RASSF2: variants seen among roughly 807,000 people sequenced by gnomAD.
RASSF2 encodes the protein ras association domain-containing protein 2.
Under a neutral mutation model 46.3 loss-of-function variants are expected in RASSF2, and 34 were observed. That is an observed-to-expected ratio of 0.73 (90% confidence interval 0.56 to 0.98). The LOEUF is 0.98. Among genes scored for constraint, RASSF2 ranks in the 50% least tolerant of loss-of-function variants. RASSF2 has a pLI of 0.00. For synonymous variants in RASSF2, 158 were observed against 162.5 expected (o/e 0.97, Z 0.21); for missense variants, 364 against 431.2 (o/e 0.84, Z 1.38).
At position 4,814,207 on chromosome 20, in the gene RASSF2, C is replaced by T. The variant is rs566516231; in HGVS notation, c.-33+8122G>A. Among the ~76,000 whole-genome samples the T allele has an allele frequency of 2.0e-5, 3 of 152,304 alleles. No homozygotes were observed. The South Asian group carries it at 6.2e-4, about 32-fold the overall frequency. ...TGCAGGGAGGGCCTGAGGCCTGTGTCCCCAAGTGCTCCCGATGGCCCATCT... is the reference window on the plus strand; with the variant it reads ...TGCAGGGAGGGCCTGAGGCCTGTGTTCCCAAGTGCTCCCGATGGCCCATCT... On this transcript the variant is annotated intron_variant, in intron 2 of 11. Coordinates refer to ENST00000379400, the MANE Select transcript of RASSF2 (RefSeq NM_014737.3).
intron 2 of RASSF2, among the ~76,000 whole-genome samples, chr20:4,803,438 G>C (rs1927060760): frequency 6.6e-6 from 1 of 152,132 alleles, no homozygotes; most frequent in South Asian, 2.1e-4. Context: ...TCAGACCTTT[G>C]AACTACAGAA....
At chr20:4,784,783 A>G (rs1170434260) in intron 11 of RASSF2, among the ~76,000 whole-genome samples, 1 of 152,188 alleles carries the variant, frequency 6.6e-6, no homozygotes, top group African/African-American at 2.4e-5. Flanking sequence ...GGATCCTACA[A>G]AAATGGCAAC....
At chr20:4,804,353 C>CTTTTT (rs10659167) in intron 2 of RASSF2, among the ~76,000 whole-genome samples, 11,531 of 118,154 alleles carry the variant, frequency 0.098, 841 homozygotes, top group South Asian at 0.15. Flanking sequence ...AGAAAGCTTT[C>CTTTTT]TTTTTTTTTT....
chr20:4,792,285 G>T (rs1252295687), intron 6 of RASSF2, among the ~76,000 whole-genome samples: 5 of 135,734 alleles, frequency 3.7e-5, no homozygotes, highest in African/African-American at 1.1e-4. Context: ...GGGGAGGGGA[G>T]GGGGAAAGAA....
chr20:4,809,381 T>C (rs1026978086), intron 2 of RASSF2, among the ~76,000 whole-genome samples: 2 of 151,984 alleles, frequency 1.3e-5, no homozygotes, highest in African/African-American at 4.8e-5. Flanking sequence ...CAGATTCACA[T>C]GTTCTAGCCT....
chr20:4,791,090 A>G (rs758769016), intron 6 of RASSF2, among the ~76,000 whole-genome samples: 3 of 152,216 alleles, frequency 2.0e-5, no homozygotes, highest in Non-Finnish European at 4.4e-5. Flanking sequence ...CAACAAGCCA[A>G]TTACAAAACA....
At chr20:4,786,398 C>T (rs533861756) in intron 10 of RASSF2, 70 bp from the exon 11 acceptor site, 1 of 1,290,536 alleles carries the variant, frequency 7.7e-7, no homozygotes, top group African/African-American at 1.5e-5. Context: ...CAGGGTTGTC[C>T]TTATACAAGG....
In RASSF2 at chr20:4,790,696, AC is replaced by A; in HGVS notation, c.377-86del. 1 of 1,021,460 alleles carries A rather than the reference AC, an allele frequency of 9.8e-7. No homozygotes were observed. The highest frequency in any genetic ancestry group is 1.4e-6 in the Non-Finnish European group (1 of 724,466). The allele number at this position is 1,021,460 out of a possible 1,614,324, so 63.3% of individuals were successfully genotyped here. On this transcript the variant is annotated intron_variant, in intron 6 of 11. Transcript: ENST00000379400. The surrounding 1 kb of genome is among the most constrained non-coding windows in gnomAD (Gnocchi z 4.3). The stretch of plus-strand genomic sequence containing the variant: ...CCCAATTTGTGGCCAGTGCGACAGC[AC>A]CCACTGTCTCCACAAATATATATTT...
chr20:4,788,786 G>C (rs905381381), intron 8 of RASSF2, among the ~76,000 whole-genome samples: 2 of 152,230 alleles, frequency 1.3e-5, no homozygotes, highest in Non-Finnish European at 2.9e-5. Flanking sequence ...TGGTCATTCT[G>C]TAGCACACGA....
chr20:4,811,863 G>A (rs951203903), intron 2 of RASSF2, among the ~76,000 whole-genome samples: 1 of 152,164 alleles, frequency 6.6e-6, no homozygotes, highest in African/African-American at 2.4e-5. Context: ...CCCTCCCTCT[G>A]AGGACAACCT....
chr20:4,820,183 G>A (rs1471708683), intron 2 of RASSF2, among the ~76,000 whole-genome samples: 1 of 152,162 alleles, frequency 6.6e-6, no homozygotes, highest in African/African-American at 2.4e-5. Flanking sequence ...GAGACCTGTG[G>A]GAGCTCACTC....
intron 2 of RASSF2, among the ~76,000 whole-genome samples, chr20:4,803,786 C>T (rs1324774616): frequency 6.8e-6 from 1 of 146,594 alleles, no homozygotes; most frequent in African/African-American, 2.5e-5. Context: ...AGGCCAGGCG[C>T]AGTGGCTCAC....
At position 4,795,691 on chromosome 20, in the gene RASSF2, AGAGGTAGTAG is replaced by A; in HGVS notation, c.287+114_287+123del. ...TCCAAGGCTAAGGCAGGTGGGCAGTAGAGGTAGTAGGAGGAGGAGCCAGGGTCAGGGCTGG... is the reference window on the plus strand; with the variant it reads ...TCCAAGGCTAAGGCAGGTGGGCAGTAGAGGAGGAGCCAGGGTCAGGGCTGG... On this transcript the variant is annotated intron_variant, in intron 5 of 11. Transcript: ENST00000379400. The surrounding 1 kb of genome is among the most constrained non-coding windows in gnomAD (Gnocchi z 4.0). The A allele has an allele frequency of 8.4e-7, 1 of 1,195,720 alleles. No homozygotes were observed. Among genetic ancestry groups the A allele is most frequent in the Non-Finnish European group, 1.2e-6 (1 of 863,404 alleles). The allele number at this position is 1,195,720 out of a possible 1,614,324, so 74.1% of individuals were successfully genotyped here.
chr20:4,796,066 G>A (rs1926327256), intron 4 of RASSF2, 100 bp from the exon 5 acceptor site: 1 of 1,352,230 alleles, frequency 7.4e-7, no homozygotes, highest in South Asian at 1.7e-5. Context: ...TGTCCTGGCT[G>A]GGGGCCCCCA....
At chr20:4,814,804 G>GT (rs1928161122) in intron 2 of RASSF2, among the ~76,000 whole-genome samples, 1 of 152,322 alleles carries the variant, frequency 6.6e-6, no homozygotes, top group African/African-American at 2.4e-5. Flanking sequence ...ACATCGGGGG[G>GT]TTTCCAGACC....
chr20:4,798,391 A>G (rs898371364), intron 3 of RASSF2, among the ~76,000 whole-genome samples: 2 of 152,192 alleles, frequency 1.3e-5, no homozygotes, highest in Non-Finnish European at 2.9e-5. Flanking sequence ...AAGCTGAATG[A>G]GCAGGTGTTA....
chr20:4,810,181 G>A (rs977384054), intron 2 of RASSF2, among the ~76,000 whole-genome samples: 21 of 152,298 alleles, frequency 1.4e-4, no homozygotes, highest in African/African-American at 4.8e-4. Context: ...CTGCCGGAAC[G>A]GGGTCAGCGT....
chr20:4,785,396 A>G (rs1021845692), intron 11 of RASSF2, among the ~76,000 whole-genome samples: 1 of 152,198 alleles, frequency 6.6e-6, no homozygotes, highest in Non-Finnish European at 1.5e-5. Flanking sequence ...GTAAGTGTTC[A>G]GTGTGTTATC....
intron 2 of RASSF2, among the ~76,000 whole-genome samples, chr20:4,801,280 AGAC>A (rs1441613215): frequency 6.6e-6 from 1 of 152,202 alleles, no homozygotes; most frequent in African/African-American, 2.4e-5. Flanking sequence ...TCCAAAGGAA[AGAC>A]GACAACCCTT....
Sources: allele counts gnomAD v4.1 joint callset (sites outside exome capture counted in the v4.1 genomes callset), GRCh38; gene constraint gnomAD v4.1.1; non-coding constraint Gnocchi (gnomAD v3.1); transcripts MANE v1.5; gene names NCBI Gene and HGNC (gene_info 2026-07-23, HGNC 2026-07-21).